The following NBEA variants were observed in gnomAD, a reference collection of about 807,000 sequenced individuals.
NBEA encodes the protein lysosomal-trafficking regulator 2.
Under a neutral mutation model 343.4 loss-of-function variants are expected in NBEA, and 44 were observed. The observed-to-expected ratio is 0.13, with a 90% confidence interval of 0.10 to 0.16. NBEA has a LOEUF of 0.16. Among genes scored for constraint, NBEA ranks in the 10% least tolerant of loss-of-function variants. The pLI, the probability that NBEA is intolerant of heterozygous loss-of-function variation, is 1.00. For missense variants in NBEA, 2,555 were observed against 3,631.3 expected (o/e 0.70, Z 7.62); for synonymous variants, 1,175 against 1,238.7 (o/e 0.95, Z 1.08).
chr13:35,561,385 T>A (rs2079849350), intron 44 of NBEA, among the ~76,000 whole-genome samples: 2 of 152,142 alleles, frequency 1.3e-5, no homozygotes, highest in South Asian at 4.1e-4. Flanking sequence ...GATGAAACAA[T>A]CTTTTCTGGC....
At chr13:35,431,185 A>G (rs2045087130) in intron 38 of NBEA, among the ~76,000 whole-genome samples, 1 of 152,140 alleles carries the variant, frequency 6.6e-6, no homozygotes, top group Non-Finnish European at 1.5e-5. Context: ...ACATTGTGCT[A>G]GAAATATAAT....
intron 48 of NBEA, among the ~76,000 whole-genome samples, chr13:35,617,624 C>T (rs1261653017): frequency 1.3e-5 from 2 of 152,188 alleles, no homozygotes; most frequent in Non-Finnish European, 2.9e-5. Flanking sequence ...AAAGACATCT[C>T]GTGAAATGTG....
At chr13:34,968,820 G>A (rs2059909008) in intron 1 of NBEA, among the ~76,000 whole-genome samples, 2 of 151,992 alleles carry the variant, frequency 1.3e-5, no homozygotes, top group African/African-American at 4.8e-5. Context: ...CTATGAGAGT[G>A]AGTAAGGAAC....
chr13:35,662,246 AT>A (rs1249905632), intron 55 of NBEA, among the ~76,000 whole-genome samples: 1 of 152,214 alleles, frequency 6.6e-6, no homozygotes, highest in Non-Finnish European at 1.5e-5. Context: ...GAATCTAAAA[AT>A]TGGACGTGTT....
chr13:35,500,353 G>A (rs780175761), intron 41 of NBEA, among the ~76,000 whole-genome samples: 8 of 152,124 alleles, frequency 5.3e-5, no homozygotes, highest in Non-Finnish European at 8.8e-5. Flanking sequence ...GCATGACTGT[G>A]TGTCAGGGAA....
In NBEA at chr13:35,472,515, C is replaced by A; in HGVS notation, c.6564C>A (p.Ala2188=). The A allele has an allele frequency of 6.2e-7, 1 of 1,613,954 alleles. No homozygotes were observed. The highest frequency in any genetic ancestry group is 8.5e-7 in the Non-Finnish European group (1 of 1,179,870). ...TCGAGGTAGATGAGGATGATTCTGC[C>A]TTCAAGAAGATCGACACGAAAGTGA... is the stretch of plus-strand genomic sequence containing the variant. ...IYFEVDEDDS[A]FKKIDTKVLA... The change falls in exon 41 of 59, where the codon GCC becomes GCA. Residue 2188 remains alanine (A), a synonymous_variant. Coordinates refer to ENST00000379939, the MANE Select transcript of NBEA (RefSeq NM_001385012.1).
chr13:35,539,915 CAAA>C (rs71081262), intron 41 of NBEA, among the ~76,000 whole-genome samples: 3,409 of 38,512 alleles, frequency 0.089, 28 homozygotes, highest in Admixed American at 0.13. Flanking sequence ...GACTCCGTCT[CAAA>C]AAAAAAAAAA....
At chr13:35,143,857 C>T (rs908650475) in intron 18 of NBEA, among the ~76,000 whole-genome samples, 1 of 148,938 alleles carries the variant, frequency 6.7e-6, no homozygotes, top group South Asian at 2.1e-4. Context: ...CACTGCACTC[C>T]AGCCTGAGTG....
chr13:35,450,468 C>T (rs979386726), intron 39 of NBEA, among the ~76,000 whole-genome samples: 1 of 152,146 alleles, frequency 6.6e-6, no homozygotes, highest in Non-Finnish European at 1.5e-5. Context: ...GCCTGGGTGA[C>T]AGAATGAGAC....
chr13:35,383,584 GTGGGTGAGAGGGTCAGGC>G (rs1192897662), intron 38 of NBEA, among the ~76,000 whole-genome samples: 1 of 152,114 alleles, frequency 6.6e-6, no homozygotes, highest in Non-Finnish European at 1.5e-5. Flanking sequence ...AGAGACCATT[GTGGGTGAGAGGGTCAGGC>G]ATAGCCAAGC....
intron 1 of NBEA, among the ~76,000 whole-genome samples, chr13:35,036,391 G>T (rs990637219): frequency 4.6e-5 from 7 of 152,028 alleles, no homozygotes; most frequent in African/African-American, 1.7e-4. Context: ...TTTTTGCTTG[G>T]TTCATCATTT....
intron 16 of NBEA, among the ~76,000 whole-genome samples, chr13:35,119,994 A>G (rs979635462): frequency 2.6e-5 from 4 of 152,174 alleles, no homozygotes; most frequent in African/African-American, 9.7e-5. Flanking sequence ...ATGTAGTACA[A>G]TTACTCTCAC....
chr13:35,286,618 A>G (rs187505594), intron 34 of NBEA, among the ~76,000 whole-genome samples: 9 of 152,294 alleles, frequency 5.9e-5, no homozygotes, highest in Admixed American at 5.9e-4. Context: ...GATTGACTCA[A>G]AAGAGTCTGA....
At chr13:35,007,524 T>C (rs73487638) in intron 1 of NBEA, among the ~76,000 whole-genome samples, 11,715 of 152,240 alleles carry the variant, frequency 0.077, 545 homozygotes, top group African/African-American at 0.11. Context: ...CTGGGTCTCA[T>C]TCTGTTACCC....
chr13:35,522,085 A>G (rs576545290), intron 41 of NBEA, among the ~76,000 whole-genome samples: 1 of 152,208 alleles, frequency 6.6e-6, no homozygotes, highest in East Asian at 1.9e-4. Flanking sequence ...GCAGGGATTC[A>G]AGGGGATGTA....
intron 34 of NBEA, among the ~76,000 whole-genome samples, chr13:35,273,121 A>G (rs1198095638): frequency 3.3e-5 from 5 of 152,170 alleles, no homozygotes; most frequent in Non-Finnish European, 7.3e-5. Flanking sequence ...CCCCTCAGCA[A>G]ATGAAAAAGA....
At chr13:35,254,474 C>T (rs1305821042) in intron 34 of NBEA, among the ~76,000 whole-genome samples, 14 of 151,818 alleles carry the variant, frequency 9.2e-5, no homozygotes, top group Admixed American at 7.2e-4. Context: ...TGCACCACCA[C>T]ACTCAGCTAA....
At chr13:34,967,543 G>A (rs887723523) in intron 1 of NBEA, among the ~76,000 whole-genome samples, 2 of 151,970 alleles carry the variant, frequency 1.3e-5, no homozygotes, top group Non-Finnish European at 2.9e-5. Context: ...AATATCCTGG[G>A]AAAGATAGAC....
chr13:34,977,402 G>A (rs1246018300), intron 1 of NBEA, among the ~76,000 whole-genome samples: 4 of 151,380 alleles, frequency 2.6e-5, no homozygotes, highest in African/African-American at 7.3e-5. Context: ...CCTGTCTCCC[G>A]GATTCAAGCG....
Sources: allele counts gnomAD v4.1 joint callset (sites outside exome capture counted in the v4.1 genomes callset), GRCh38; gene constraint gnomAD v4.1.1; transcripts MANE v1.5; gene names NCBI Gene and HGNC (gene_info 2026-07-23, HGNC 2026-07-21).